Variants in TYW1 observed in about 807,000 individuals in gnomAD.
TYW1 encodes S-adenosyl-L-methionine-dependent tRNA 4-demethylwyosine synthase TYW1.
TYW1 carries 46 observed loss-of-function variants against 96.2 expected under a neutral mutation model. That is an observed-to-expected ratio of 0.48 (90% confidence interval 0.38 to 0.61). TYW1 has a LOEUF of 0.61. Among genes scored for constraint, TYW1 ranks in the 20% least tolerant of loss-of-function variants. The pLI, the probability that TYW1 is intolerant of heterozygous loss-of-function variation, is 0.00. For missense variants in TYW1, 684 were observed against 909.6 expected, an observed-to-expected ratio of 0.75 and a Z score of 3.19; for synonymous variants, 274 against 323.0, an observed-to-expected ratio of 0.85 and a Z score of 1.63.
At chr7:67,062,914 A>T (rs1263959557) in intron 9 of TYW1, among the ~76,000 whole-genome samples, 2 of 152,214 alleles carry the variant, frequency 1.3e-5, no homozygotes, top group Non-Finnish European at 2.9e-5. Flanking sequence ...CTTCCCCAAA[A>T]TACAAGAGGT....
intron 13 of TYW1, among the ~76,000 whole-genome samples, chr7:67,165,047 G>C (rs940823897): frequency 6.6e-6 from 1 of 150,958 alleles, no homozygotes; most frequent in African/African-American, 2.4e-5. Flanking sequence ...TTTTCTAAAC[G>C]TTGGTACTGA....
chr7:67,046,498 T>G (rs1203133619), intron 7 of TYW1, among the ~76,000 whole-genome samples: 1 of 152,054 alleles, frequency 6.6e-6, no homozygotes, highest in Non-Finnish European at 1.5e-5. Flanking sequence ...GAGGAAGAAA[T>G]CAAGGTTGGC....
rs1309343868 is a variant in TYW1 at position 67,184,370 on chromosome 7, G to T, written c.1809+1134G>T. ...AAGAGAAGATTGATTAAATTCAGGG[G>T]TGCATGTGTGTGTGGGTTTGTTTGT... On this transcript the variant is annotated intron_variant, in intron 14 of 15. Transcript: ENST00000359626. Among the ~76,000 whole-genome samples the T allele has an allele frequency of 2.6e-5, 4 of 152,064 alleles. No homozygotes were observed. The South Asian group carries it at 6.2e-4, about 24-fold the overall frequency.
chr7:67,017,317 C>T (rs142432277), intron 5 of TYW1, among the ~76,000 whole-genome samples: 4,507 of 152,236 alleles, frequency 0.03, 79 homozygotes, highest in Non-Finnish European at 0.042. Context: ...TGCCTTGCCA[C>T]TCAGGAAGCT....
At chr7:67,191,924 G>C (rs35158014) in intron 14 of TYW1, among the ~76,000 whole-genome samples, 40,846 of 147,206 alleles carry the variant, frequency 0.28, 6,396 homozygotes, top group African/African-American at 0.42. Flanking sequence ...AGACAAGAGT[G>C]TTGCTCTGTT....
intron 12 of TYW1, among the ~76,000 whole-genome samples, chr7:67,104,321 C>T (rs1797174299): frequency 6.6e-6 from 1 of 152,146 alleles, no homozygotes; most frequent in African/African-American, 2.4e-5. Flanking sequence ...GGGGAGGCCT[C>T]AGGAAACTTA....
At chr7:67,166,707 T>C (rs910580765) in intron 13 of TYW1, among the ~76,000 whole-genome samples, 2 of 152,196 alleles carry the variant, frequency 1.3e-5, no homozygotes, top group African/African-American at 4.8e-5. Flanking sequence ...CTGTAATTCA[T>C]CCATTTTCAT....
In TYW1 at chr7:67,067,314, C is replaced by G; in HGVS notation, c.1185C>G (p.Tyr395Ter). 1 of 1,613,972 alleles carries G rather than the reference C, an allele frequency of 6.2e-7. No homozygotes were observed. The highest frequency in any genetic ancestry group is 2.2e-5 in the East Asian group (1 of 44,884). ...KSMLRGRGGCYKHTFYGIESH... is the reference protein window; with the variant it reads ...KSMLRGRGGC Reference sequence around the variant, plus strand: ...TGCTCCGAGGGAGAGGAGGTTGTTACAAACACACATTCTATGGAATTGAGA... The same window carrying G: ...TGCTCCGAGGGAGAGGAGGTTGTTAGAAACACACATTCTATGGAATTGAGA... The change falls in exon 10 of 16, where the codon TAC (tyrosine) becomes TAG (stop). Residue 395 changes from tyrosine to a stop codon, truncating the protein, a stop_gained. Coordinates refer to ENST00000359626, the MANE Select transcript of TYW1 (RefSeq NM_018264.4). LOFTEE classifies it high-confidence loss of function.
chr7:67,160,670 C>A (rs1799133557), intron 13 of TYW1, among the ~76,000 whole-genome samples: 1 of 150,242 alleles, frequency 6.7e-6, no homozygotes, highest in South Asian at 2.1e-4. Context: ...CGGCTCACTA[C>A]CACCTCTGCC....
At chr7:67,051,623 T>C (rs1252685861) in intron 8 of TYW1, among the ~76,000 whole-genome samples, 8 of 152,334 alleles carry the variant, frequency 5.3e-5, no homozygotes, top group African/African-American at 1.9e-4. Context: ...TATTTACTTA[T>C]GTAGTTACTA....
At chr7:67,101,514 ATATT>A (rs747758760) in intron 12 of TYW1, among the ~76,000 whole-genome samples, 22 of 152,170 alleles carry the variant, frequency 1.4e-4, no homozygotes, top group Admixed American at 8.5e-4. Flanking sequence ...TCAGCTTGAA[ATATT>A]TATTTATTTA....
chr7:67,158,848 G>A (rs2116206650), intron 13 of TYW1, among the ~76,000 whole-genome samples: 1 of 152,322 alleles, frequency 6.6e-6, no homozygotes, highest in Admixed American at 6.5e-5. Context: ...TGGGATTACA[G>A]GCGTGAGCCA....
chr7:67,154,457 A>G (rs1350412513), intron 13 of TYW1, among the ~76,000 whole-genome samples: 1 of 134,900 alleles, frequency 7.4e-6, no homozygotes, highest in Non-Finnish European at 1.6e-5. Context: ...TTTCTGAAGG[A>G]TAGTTTTGCT....
At chr7:67,069,603 G>C (rs1226502586) in intron 10 of TYW1, among the ~76,000 whole-genome samples, 1 of 152,124 alleles carries the variant, frequency 6.6e-6, no homozygotes, top group African/African-American at 2.4e-5. Flanking sequence ...GCCGGGCATG[G>C]TGGTGCATGT....
At chr7:67,159,142 A>G (rs1308753201) in intron 13 of TYW1, among the ~76,000 whole-genome samples, 48 of 152,278 alleles carry the variant, frequency 3.2e-4, no homozygotes, top group Non-Finnish European at 8.8e-5. Context: ...TTAGTAATAT[A>G]TCGTGATCCT....
At chr7:67,007,504 CAA>C (rs1287238478) in intron 3 of TYW1, among the ~76,000 whole-genome samples, 1 of 152,172 alleles carries the variant, frequency 6.6e-6, no homozygotes, top group Non-Finnish European at 1.5e-5. Flanking sequence ...CCCCATGACC[CAA>C]ACACCTCCTA....
At chr7:67,000,888 T>A (rs1239554406) in intron 3 of TYW1, among the ~76,000 whole-genome samples, 1 of 152,154 alleles carries the variant, frequency 6.6e-6, no homozygotes, top group Non-Finnish European at 1.5e-5. Context: ...GAATAGTACT[T>A]CTTAGGTTTT....
chr7:67,115,676 T>A (rs1797571430), intron 12 of TYW1, among the ~76,000 whole-genome samples: 1 of 152,156 alleles, frequency 6.6e-6, no homozygotes. Context: ...TATCTGCCTG[T>A]GTGGCTGGAT....
At chr7:67,215,785 C>T (rs556021221) in intron 15 of TYW1, among the ~76,000 whole-genome samples, 3 of 152,168 alleles carry the variant, frequency 2.0e-5, no homozygotes, top group African/African-American at 7.2e-5. Flanking sequence ...GTCCGATGTT[C>T]GAGGGCAGGA....
Sources: gnomAD v4.1 joint callset for allele counts (sites outside exome capture counted in the v4.1 genomes callset) on GRCh38, gnomAD v4.1.1 for gene constraint, MANE v1.5 for transcripts, NCBI Gene and HGNC (gene_info 2026-07-23, HGNC 2026-07-21) for gene names.